Variants in RPH3A observed in about 807,000 individuals in gnomAD.
RPH3A encodes rabphilin 3A.
In RPH3A, 48 loss-of-function variants were observed where a neutral mutation model predicts 102.2. The ratio of observed to expected loss-of-function variants is 0.47; its 90% confidence interval spans 0.37 to 0.60. RPH3A has a LOEUF of 0.60. Among genes scored for constraint, RPH3A ranks in the 20% least tolerant of loss-of-function variants. The pLI is 0.00. For synonymous variants in RPH3A, 310 were observed against 324.3 expected (o/e 0.96, Z 0.47); for missense variants, 781 against 910.1 (o/e 0.86, Z 1.83).
At chr12:112,887,952 G>A (rs765420249) in intron 17 of RPH3A, 29 bp downstream of exon 17, 1 of 1,608,702 alleles carries the variant, frequency 6.2e-7, no homozygotes, top group Admixed American at 1.7e-5. Flanking sequence ...AGGATCTGAT[G>A]GGAGGAGGGG....
chr12:112,891,722 T>C (rs917940474), intron 19 of RPH3A, among the ~76,000 whole-genome samples: 5 of 152,210 alleles, frequency 3.3e-5, no homozygotes, highest in Non-Finnish European at 7.3e-5. Flanking sequence ...ACATGTCCTG[T>C]ATCTCATAGG....
chr12:112,854,897 A>G (rs2042384925), intron 5 of RPH3A, among the ~76,000 whole-genome samples: 1 of 152,264 alleles, frequency 6.6e-6, no homozygotes, highest in Admixed American at 6.5e-5. Context: ...TCGGGGATTC[A>G]GAGAAGTCAA....
intron 1 of RPH3A, among the ~76,000 whole-genome samples, chr12:112,745,583 C>A (rs1429505872): frequency 1.3e-5 from 2 of 152,166 alleles, no homozygotes; most frequent in Non-Finnish European, 2.9e-5. Flanking sequence ...GCTGATTTCC[C>A]TCTGGTTGTT....
intron 1 of RPH3A, among the ~76,000 whole-genome samples, chr12:112,587,546 G>C (rs1025288971): frequency 6.6e-6 from 1 of 152,168 alleles, no homozygotes; most frequent in African/African-American, 2.4e-5. Flanking sequence ...TGTGCTGGCT[G>C]TTCCCTCTGC....
chr12:112,875,878 G>A (rs1313658924), intron 12 of RPH3A, 137 bp downstream of exon 12: 4 of 647,226 alleles, frequency 6.2e-6, no homozygotes, highest in East Asian at 2.9e-5. Flanking sequence ...CAGCTCCCCC[G>A]AGTCTAAAAC....
At position 112,591,156 on chromosome 12, in the gene RPH3A, T is replaced by TCAGTTCTG. The variant is rs2039475170; in HGVS notation, c.-140+15837_-140+15838insCAGTTCTG. Reference sequence around the variant, plus strand: ...AAATAGAGATGGGGTCTTGCTGTGTTGCCCAGGCTGGCGTCAAACTCCTGG... The same window carrying TCAGTTCTG: ...AAATAGAGATGGGGTCTTGCTGTGTTCAGTTCTGGCCCAGGCTGGCGTCAAACTCCTGG... On this transcript the variant is annotated intron_variant, in intron 1 of 21. Coordinates refer to the RPH3A transcript ENST00000543106. 9.2e-5 allele frequency among the ~76,000 whole-genome samples: 14 copies of TCAGTTCTG among 151,876 alleles called. No individual in the cohort carries two copies. In the South Asian group the frequency reaches 2.9e-3, roughly 32 times the overall value.
intron 2 of RPH3A, among the ~76,000 whole-genome samples, chr12:112,807,566 A>C (rs2041493589): frequency 6.6e-6 from 1 of 152,176 alleles, no homozygotes; most frequent in African/African-American, 2.4e-5. Flanking sequence ...TTCATGTGGG[A>C]AATGAAGATA....
chr12:112,678,837 A>C (rs1401380110), intron 1 of RPH3A, among the ~76,000 whole-genome samples: 1 of 152,192 alleles, frequency 6.6e-6, no homozygotes, highest in African/African-American at 2.4e-5. Context: ...GCAGACCAGA[A>C]AACTAAGAAT....
upstream of RPH3A, among the ~76,000 whole-genome samples, chr12:112,786,856 A>G (rs1255916314): frequency 6.6e-6 from 1 of 152,194 alleles, no homozygotes; most frequent in Non-Finnish European, 1.5e-5. Context: ...TAGATTAATT[A>G]TCTTACAGTC....
chr12:112,805,761 T>A (rs1010809359), intron 2 of RPH3A, among the ~76,000 whole-genome samples: 4 of 152,228 alleles, frequency 2.6e-5, no homozygotes, highest in African/African-American at 9.6e-5. Context: ...CAGAAGTGAA[T>A]GTCTAGTCTC....
chr12:112,619,117 G>C lies in RPH3A; in HGVS notation c.-140+43798G>C, dbSNP rs185594178. ...TCTGTTCCTCAGTTGATAGACATTT[G>C]TGTTGTTTCTACTTTTTGGCTATTA... On this transcript the variant is annotated intron_variant, in intron 1 of 21. Transcript: ENST00000543106. Among the ~76,000 whole-genome samples the C allele has an allele frequency of 3.9e-5, 6 of 152,120 alleles. No homozygotes were observed. In the East Asian group the frequency reaches 1.2e-3, roughly 29 times the overall value.
At chr12:112,609,277 A>G (rs188155816) in intron 1 of RPH3A, among the ~76,000 whole-genome samples, 1 of 152,292 alleles carries the variant, frequency 6.6e-6, no homozygotes, top group East Asian at 1.9e-4. Context: ...TATGTTGCCA[A>G]GGCTGGTCTC....
chr12:112,826,572 T>C (rs1365715371), intron 2 of RPH3A, among the ~76,000 whole-genome samples: 1 of 152,188 alleles, frequency 6.6e-6, no homozygotes, highest in East Asian at 1.9e-4. Context: ...GAGGCCCCCT[T>C]CTGCCCCTTC....
intron 15 of RPH3A, among the ~76,000 whole-genome samples, chr12:112,882,811 T>C (rs2042936956): frequency 1.3e-5 from 2 of 152,236 alleles, no homozygotes; most frequent in Non-Finnish European, 2.9e-5. Flanking sequence ...ATGAGATTTG[T>C]CACCAGGCCA....
intron 21 of RPH3A, among the ~76,000 whole-genome samples, chr12:112,896,411 TAGAC>T (rs987981806): frequency 2.0e-5 from 3 of 152,122 alleles, no homozygotes; most frequent in Admixed American, 1.3e-4. Flanking sequence ...CCTTTAAAAA[TAGAC>T]AGTGAAATTA....
At chr12:112,584,836 G>A (rs1356225530) in intron 1 of RPH3A, among the ~76,000 whole-genome samples, 1 of 152,082 alleles carries the variant, frequency 6.6e-6, no homozygotes, top group Admixed American at 6.5e-5. Flanking sequence ...TTCTCTAGAG[G>A]GACAGGATTA....
intron 1 of RPH3A, among the ~76,000 whole-genome samples, chr12:112,713,958 T>G (rs1443352964): frequency 1.3e-5 from 2 of 152,184 alleles, no homozygotes; most frequent in Non-Finnish European, 2.9e-5. Context: ...CATGGCCAAG[T>G]TGCCTAATCT....
rs534202074 is a variant in RPH3A at position 112,866,696 on chromosome 12, C to T, written c.361-61C>T. The T allele has an allele frequency of 4.1e-4, 567 of 1,389,234 alleles. 4 individuals are homozygous for T. In the Admixed American group the frequency reaches 9.1e-3, roughly 22 times the overall value. The allele number at this position is 1,389,234 out of a possible 1,614,324, so 86.1% of individuals were successfully genotyped here. A position where few individuals can be genotyped will look rare whatever the true frequency, so the allele number is the denominator to read the frequency against. On this transcript the variant is annotated intron_variant, in intron 6 of 21. Coordinates refer to ENST00000389385, the MANE Select transcript of RPH3A (RefSeq NM_001143854.2). ...TCCACCAAGAGAAAGTGGGGGGCTA[C>T]GTTGCCATGCCTCCCATGAGCATGG...
intron 1 of RPH3A, among the ~76,000 whole-genome samples, chr12:112,678,303 A>AAGAAAGAAAG (rs1555283199): frequency 2.0e-5 from 1 of 50,198 alleles, no homozygotes; most frequent in East Asian, 9.6e-4. Flanking sequence ...GAAAGAAAGA[A>AAGAAAGAAAG]AGAGAGAGAG....
Sources: gnomAD v4.1 joint callset for allele counts (sites outside exome capture counted in the v4.1 genomes callset) on GRCh38, gnomAD v4.1.1 for gene constraint, MANE v1.5 for transcripts, NCBI Gene and HGNC (gene_info 2026-07-23, HGNC 2026-07-21) for gene names.